The following SPON1 variants were observed in gnomAD, a reference collection of about 807,000 sequenced individuals.
SPON1 encodes spondin 1.
Under a neutral mutation model 111.7 loss-of-function variants are expected in SPON1, and 52 were observed. That is an observed-to-expected ratio of 0.47 (90% CI 0.37 to 0.59). The LOEUF (loss-of-function observed/expected upper bound fraction) is 0.59, where lower values mean the gene tolerates loss of function less well. Among genes scored for constraint, SPON1 ranks in the 20% least tolerant of loss-of-function variants. SPON1 has a pLI of 0.00. For missense variants in SPON1, 957 were observed against 1,068.5 expected (o/e 0.90, Z 1.46); for synonymous variants, 410 against 395.8 (o/e 1.04, Z -0.43).
chr11:14,197,802 G>A (rs1036226607), intron 6 of SPON1, among the ~76,000 whole-genome samples: 78 of 152,198 alleles, frequency 5.1e-4, no homozygotes, highest in African/African-American at 1.7e-3. Flanking sequence ...GTGACAGAGC[G>A]AGACTTCCAT....
intron 6 of SPON1, among the ~76,000 whole-genome samples, chr11:14,162,791 C>A (rs1216048298): frequency 1.3e-5 from 2 of 152,122 alleles, no homozygotes; most frequent in Non-Finnish European, 2.9e-5. Context: ...GGTAAACATG[C>A]AAGTTTACTG....
At chr11:14,122,298 T>C (rs1331155926) in intron 5 of SPON1, among the ~76,000 whole-genome samples, 1 of 152,164 alleles carries the variant, frequency 6.6e-6, no homozygotes. Flanking sequence ...CTCAGCCGCC[T>C]GAGTAACTGG....
intron 6 of SPON1, among the ~76,000 whole-genome samples, chr11:14,166,127 T>C (rs930556086): frequency 6.6e-6 from 1 of 152,192 alleles, no homozygotes; most frequent in African/African-American, 2.4e-5. Context: ...TGGACTTTAA[T>C]TGGCTCTATA....
In SPON1 at chr11:14,217,308, G is replaced by A. The variant is rs1848635658; in HGVS notation, c.826-26024G>A. On this transcript the variant is annotated intron_variant, in intron 6 of 15. Coordinates refer to ENST00000576479, the MANE Select transcript of SPON1 (RefSeq NM_006108.4). ...CCTATTCCTGTCTGCTTTATATATT[G>A]GAGTTCTGAGTATACTTTTGTTTAA... 2.0e-5 allele frequency among the ~76,000 whole-genome samples: 3 copies of A among 152,036 alleles called. No homozygotes were observed. In the South Asian group the frequency reaches 6.2e-4, roughly 32 times the overall value.
At chr11:14,232,928 C>T (rs1053471461) in intron 6 of SPON1, among the ~76,000 whole-genome samples, 16 of 152,022 alleles carry the variant, frequency 1.1e-4, no homozygotes, top group African/African-American at 2.9e-4. Context: ...AAACAGAGGC[C>T]GCAGAGGTAG....
chr11:14,161,113 C>A (rs60038840), intron 6 of SPON1, among the ~76,000 whole-genome samples: 13 of 43,120 alleles, frequency 3.0e-4, no homozygotes, highest in East Asian at 1.5e-3. Context: ...TTATATATAT[C>A]TATATATCTA....
In SPON1 at chr11:14,170,664, C is replaced by T. The variant is rs542053597; in HGVS notation, c.825+35096C>T. Among the ~76,000 whole-genome samples, 26 of 151,898 alleles carry T rather than the reference C, an allele frequency of 1.7e-4. No individual in the cohort carries two copies. In the East Asian group the frequency reaches 3.3e-3, roughly 19 times the overall value. ...AGATAGCGCTTATTATTGTGAGGTA[C>T]GTCCCATCAATACCTAATTTATTGA... On this transcript the variant is annotated intron_variant, in intron 6 of 15. Transcript: ENST00000576479.
intron 6 of SPON1, among the ~76,000 whole-genome samples, chr11:14,142,127 A>G (rs1197088737): frequency 1.3e-5 from 2 of 152,192 alleles, no homozygotes; most frequent in Admixed American, 1.3e-4. Flanking sequence ...AACCTCATAG[A>G]GTCATTCTGA....
At chr11:14,066,653 AAGT>A (rs1239348038) in intron 3 of SPON1, among the ~76,000 whole-genome samples, 2 of 152,154 alleles carry the variant, frequency 1.3e-5, no homozygotes, top group Non-Finnish European at 2.9e-5. Context: ...GAGAGAAAAA[AAGT>A]ATTTCCCTTG....
At chr11:14,050,480 A>G (rs548886043) in intron 3 of SPON1, among the ~76,000 whole-genome samples, 1 of 152,360 alleles carries the variant, frequency 6.6e-6, no homozygotes, top group Admixed American at 6.5e-5. Flanking sequence ...ATGTCCTGCA[A>G]AGCCTGAAAT....
chr11:14,066,609 G>C (rs1848834417), intron 3 of SPON1, among the ~76,000 whole-genome samples: 3 of 152,138 alleles, frequency 2.0e-5, no homozygotes, highest in Non-Finnish European at 4.4e-5. Context: ...TCTTTCCTGA[G>C]CTTCACCTTA....
At chr11:13,992,880 G>T (rs185154766) in intron 2 of SPON1, among the ~76,000 whole-genome samples, 1 of 152,158 alleles carries the variant, frequency 6.6e-6, no homozygotes, top group African/African-American at 2.4e-5. Flanking sequence ...TCTGTGGGCT[G>T]CACCCACTGT....
chr11:14,144,737 A>C (rs1419733569), intron 6 of SPON1, among the ~76,000 whole-genome samples: 1 of 152,128 alleles, frequency 6.6e-6, no homozygotes, highest in East Asian at 1.9e-4. Flanking sequence ...AGGAAACTTC[A>C]AAAGAGAACT....
At chr11:14,069,492 C>T (rs1848858638) in intron 3 of SPON1, among the ~76,000 whole-genome samples, 1 of 152,026 alleles carries the variant, frequency 6.6e-6, no homozygotes, top group Non-Finnish European at 1.5e-5. Flanking sequence ...TGAAGCCTTG[C>T]CATTGTGAAG....
At chr11:14,257,688 G>C in intron 10 of SPON1, 28 bp from the exon 11 acceptor site, 1 of 1,572,412 alleles carries the variant, frequency 6.4e-7, no homozygotes, top group Non-Finnish European at 8.7e-7. Context: ...TAGGTTCCCA[G>C]GGAAAACATG....
intron 6 of SPON1, among the ~76,000 whole-genome samples, chr11:14,160,054 T>A (rs1205025264): frequency 6.6e-6 from 1 of 152,008 alleles, no homozygotes; most frequent in Non-Finnish European, 1.5e-5. Context: ...ATTGGATTGT[T>A]TGTAACTCAA....
At chr11:14,188,742 C>G (rs1848313124) in intron 6 of SPON1, among the ~76,000 whole-genome samples, 1 of 152,100 alleles carries the variant, frequency 6.6e-6, no homozygotes, top group Admixed American at 6.5e-5. Flanking sequence ...AACCATGTGA[C>G]CTTGGGAAAG....
At chr11:14,193,872 C>A (rs979673870) in intron 6 of SPON1, among the ~76,000 whole-genome samples, 1 of 152,228 alleles carries the variant, frequency 6.6e-6, no homozygotes, top group Non-Finnish European at 1.5e-5. Context: ...CCCACAGAGC[C>A]TTTTGACAGT....
At chr11:14,173,015 A>T (rs1848125931) in intron 6 of SPON1, among the ~76,000 whole-genome samples, 1 of 151,676 alleles carries the variant, frequency 6.6e-6, no homozygotes, top group Non-Finnish European at 1.5e-5. Flanking sequence ...CGTTCTCTGT[A>T]TTTCCTGAAT....
Sources: gnomAD v4.1 joint callset for allele counts (sites outside exome capture counted in the v4.1 genomes callset) on GRCh38, gnomAD v4.1.1 for gene constraint, MANE v1.5 for transcripts, NCBI Gene and HGNC (gene_info 2026-07-23, HGNC 2026-07-21) for gene names.